The following BCO1 variants were observed in gnomAD, a reference collection of about 807,000 sequenced individuals.
BCO1 encodes beta-carotene oxygenase 1, also known as beta,beta-carotene 15,15'-dioxygenase.
In BCO1, 54 loss-of-function variants were observed where a neutral mutation model predicts 56.3. That is an observed-to-expected ratio of 0.96 (90% CI 0.77 to 1.20). BCO1 has a LOEUF of 1.20. Ranked by LOEUF, BCO1 falls within the 50% of genes most tolerant of loss-of-function variation. The pLI is 0.00. For synonymous variants in BCO1, 318 were observed against 266.1 expected (o/e 1.20, Z -1.90); for missense variants, 801 against 690.9 (o/e 1.16, Z -1.79).
chr16:81,242,524 A>G (rs1905178228), intron 1 of BCO1, among the ~76,000 whole-genome samples: 1 of 151,904 alleles, frequency 6.6e-6, no homozygotes. Flanking sequence ...TCAGTGCTCC[A>G]CTGCACATCC....
intron 5 of BCO1, among the ~76,000 whole-genome samples, chr16:81,266,329 A>T (rs1267835758): frequency 6.6e-6 from 1 of 152,174 alleles, no homozygotes; most frequent in African/African-American, 2.4e-5. Context: ...CCCTCCTGGG[A>T]ACCACACCCA....
rs771617031 is a variant in BCO1 at position 81,261,843 on chromosome 16, G to A, written c.324-293G>A. 150 of 367,314 alleles carry A rather than the reference G, an allele frequency of 4.1e-4. 1 individual carries two copies. Among genetic ancestry groups the A allele is most frequent in the Non-Finnish European group, 6.8e-4 (128 of 189,158 alleles). 22.8% of individuals were successfully genotyped at this position (367,314 alleles called of 1,614,324 possible). A position where few individuals can be genotyped will look rare whatever the true frequency, so the allele number is the denominator to read the frequency against. The stretch of plus-strand genomic sequence containing the variant: ...TGCAAGCTCCGCCTCCCGGGTTCAC[G>A]CCATTCTCCTGCCTCAGCCTCCCGA... On this transcript the variant is annotated intron_variant, in intron 3 of 10. Transcript: ENST00000258168.
intron 8 of BCO1, among the ~76,000 whole-genome samples, chr16:81,285,067 C>T (rs374778052): frequency 6.6e-5 from 10 of 150,668 alleles, no homozygotes; most frequent in Admixed American, 1.3e-4. Context: ...CTCAAACTCC[C>T]GAACTCAAGT....
chr16:81,287,094 CA>C (rs1908225710), intron 9 of BCO1, among the ~76,000 whole-genome samples, 200 bp from the exon 10 acceptor site: 1 of 149,332 alleles, frequency 6.7e-6, no homozygotes, highest in Non-Finnish European at 1.5e-5. Context: ...AACAAACAAA[CA>C]AAAAACTGGG....
At chr16:81,248,318 G>T (rs929637054) in intron 2 of BCO1, among the ~76,000 whole-genome samples, 1 of 145,826 alleles carries the variant, frequency 6.9e-6, no homozygotes, top group Non-Finnish European at 1.5e-5. Flanking sequence ...CAGGAGAATC[G>T]CTTGAACTCG....
At chr16:81,269,131 T>C (rs1907024026) in intron 6 of BCO1, among the ~76,000 whole-genome samples, 1 of 144,430 alleles carries the variant, frequency 6.9e-6, no homozygotes, top group Non-Finnish European at 1.5e-5. Context: ...TAGTTCTCAG[T>C]GTTACCTATT....
At chr16:81,290,006 AGC>A (rs1282674811) in intron 10 of BCO1, among the ~76,000 whole-genome samples, 1 of 152,184 alleles carries the variant, frequency 6.6e-6, no homozygotes, top group Non-Finnish European at 1.5e-5. Context: ...TGAGATTACA[AGC>A]ACCCACCACC....
intron 2 of BCO1, among the ~76,000 whole-genome samples, chr16:81,248,103 A>T (rs1371075578): frequency 2.0e-5 from 3 of 152,040 alleles, no homozygotes; most frequent in African/African-American, 7.2e-5. Context: ...ATTTGTTCTT[A>T]ATTTCATATA....
chr16:81,242,106 CT>C (rs1254233837), intron 1 of BCO1, among the ~76,000 whole-genome samples: 1 of 151,504 alleles, frequency 6.6e-6, no homozygotes, highest in Non-Finnish European at 1.5e-5. Flanking sequence ...CCTGCTCTTT[CT>C]CAAGCCTGCC....
intron 5 of BCO1, among the ~76,000 whole-genome samples, chr16:81,265,924 A>T (rs1480521773): frequency 6.7e-6 from 1 of 149,936 alleles, no homozygotes; most frequent in African/African-American, 2.5e-5. Context: ...TACCATGTGC[A>T]TCTACCACCC....
intron 2 of BCO1, among the ~76,000 whole-genome samples, chr16:81,251,464 G>C (rs1472729400): frequency 6.6e-6 from 1 of 152,078 alleles, no homozygotes. Context: ...GGAGACTGAG[G>C]CAGGAGGATC....
chr16:81,284,524 C>T (rs1251579823), intron 8 of BCO1, among the ~76,000 whole-genome samples: 7 of 152,068 alleles, frequency 4.6e-5, no homozygotes, highest in Non-Finnish European at 8.8e-5. Context: ...ATGGTATGGA[C>T]ACTTGCCCAT....
intron 2 of BCO1, among the ~76,000 whole-genome samples, chr16:81,248,671 A>G (rs546279200): frequency 6.6e-6 from 1 of 152,168 alleles, no homozygotes; most frequent in Admixed American, 6.6e-5. Context: ...GTTCCCAATG[A>G]TTCTTGGAAA....
Position 81,238,971 on chromosome 16 carries a change from A to G in BCO1, c.63A>G (p.Thr21=). ...EQLEPVRAKV[T]GKIPAWLQGT... ...TGGAGCCTGTGAGGGCCAAAGTGAC[A>G]GGTGAGCATTCTGATAAACACTGGG... The change falls in exon 1 of 11, where the codon ACA becomes ACG. Residue 21 remains threonine, a splice_region_variant and synonymous_variant. Transcript: ENST00000258168. 6.2e-7 allele frequency: 1 copy of G among 1,613,448 alleles called. No individual in the cohort carries two copies. The highest frequency in any genetic ancestry group is 2.2e-5 in the East Asian group (1 of 44,876).
intron 10 of BCO1, among the ~76,000 whole-genome samples, chr16:81,289,750 G>A (rs1908361699): frequency 6.6e-6 from 1 of 152,220 alleles, no homozygotes; most frequent in African/African-American, 2.4e-5. Context: ...CGGCAACCCT[G>A]TGGAGTGTAG....
chr16:81,287,438 G>A (rs1038019632), intron 10 of BCO1, 32 bp downstream of exon 10: 28 of 1,532,140 alleles, frequency 1.8e-5, no homozygotes, highest in Non-Finnish European at 2.4e-5. Flanking sequence ...CCTAGTTGCT[G>A]CACGTTACTG....
At chr16:81,272,888 T>C (rs1329727446) in intron 7 of BCO1, among the ~76,000 whole-genome samples, 1 of 152,148 alleles carries the variant, frequency 6.6e-6, no homozygotes, top group Non-Finnish European at 1.5e-5. Flanking sequence ...CTCAGAGAAG[T>C]TAAGAAATGT....
intron 7 of BCO1, among the ~76,000 whole-genome samples, chr16:81,270,686 C>CTCTG (rs1555505399): frequency 3.4e-5 from 1 of 29,566 alleles, no homozygotes; most frequent in African/African-American, 9.2e-5. Context: ...GTCTCTCTCT[C>CTCTG]TGTGTCTGTG....
chr16:81,290,495 T>C lies in BCO1; in HGVS notation c.1562T>C (p.Met521Thr), dbSNP rs984465964. The C allele has an allele frequency of 1.5e-5, 25 of 1,614,052 alleles. No individual in the cohort carries two copies. The highest frequency in any genetic ancestry group is 8.3e-5 in the Admixed American group (5 of 59,986). Residue 521 changes from methionine to threonine, a missense_variant, in exon 11 of 11, where the codon ATG (methionine) becomes ACG (threonine). Physicochemically the swap from Met to Thr is moderately conservative, Grantham distance 81. Coordinates refer to ENST00000258168, the MANE Select transcript of BCO1 (RefSeq NM_017429.3). ...CTCCATGGATTATTCATTACAGACA[T>C]GGACTGGGACACAAAAAAGCAGGCC... ...MDLHGLFITD[M>T]DWDTKKQAAS...
Sources: gnomAD v4.1 joint callset for allele counts (sites outside exome capture counted in the v4.1 genomes callset) on GRCh38, gnomAD v4.1.1 for gene constraint, MANE v1.5 for transcripts, NCBI Gene and HGNC (gene_info 2026-07-23, HGNC 2026-07-21) for gene names.